Variants in LARGE1 observed in about 807,000 individuals in gnomAD.
LARGE1 encodes LARGE xylosyl- and glucuronyltransferase 1.
In LARGE1, 43 loss-of-function variants were observed where a neutral mutation model predicts 87.6. The ratio of observed to expected loss-of-function variants is 0.49; its 90% CI spans 0.38 to 0.63. The LOEUF (loss-of-function observed/expected upper bound fraction) is 0.63. Ranked by LOEUF, LARGE1 falls within the 30% of genes least tolerant of loss-of-function variation. LARGE1 has a pLI of 0.00. For synonymous variants in LARGE1, 434 were observed against 394.6 expected, an observed-to-expected ratio of 1.10 and a Z score of -1.18; for missense variants, 802 against 1,000.2, an observed-to-expected ratio of 0.80 and a Z score of 2.67.
At chr22:33,652,367 A>T (rs890497082) in intron 2 of LARGE1, among the ~76,000 whole-genome samples, 1 of 152,012 alleles carries the variant, frequency 6.6e-6, no homozygotes, top group Admixed American at 6.6e-5. Flanking sequence ...ATTAAAAAAA[A>T]ACAAACACTT....
At chr22:33,552,817 G>A (rs915842848) in intron 6 of LARGE1, among the ~76,000 whole-genome samples, 5 of 152,194 alleles carry the variant, frequency 3.3e-5, no homozygotes, top group Non-Finnish European at 7.3e-5. Flanking sequence ...GCAAAGTCCT[G>A]TATCATAGAA....
At position 33,888,772 on chromosome 22, in the gene LARGE1, G is replaced by A. The variant is rs187619714; in HGVS notation, c.-83+31223C>T. ...CTCGGGAGGCTGAGGCACAAGAATCGCTTGAACCCAGGAGGCAGAGGTTGC... is the reference window on the plus strand; with the variant it reads ...CTCGGGAGGCTGAGGCACAAGAATCACTTGAACCCAGGAGGCAGAGGTTGC... On this transcript the variant is annotated intron_variant, in intron 1 of 14. Transcript: ENST00000397394. 2.1e-3 allele frequency among the ~76,000 whole-genome samples: 319 copies of A among 152,100 alleles called. 3 individuals carry two copies. Among genetic ancestry groups the A allele is most frequent in the Admixed American group, 2.2e-3 (34 of 15,280 alleles).
At chr22:33,560,627 A>G (rs2077826671) in intron 6 of LARGE1, among the ~76,000 whole-genome samples, 2 of 152,076 alleles carry the variant, frequency 1.3e-5, no homozygotes, top group Non-Finnish European at 2.9e-5. Flanking sequence ...TGCAGTAAAA[A>G]CTAAGGCATG....
chr22:33,394,535 G>A (rs1045290689), intron 7 of LARGE1, among the ~76,000 whole-genome samples: 1 of 152,188 alleles, frequency 6.6e-6, no homozygotes, highest in Non-Finnish European at 1.5e-5. Context: ...TTGCAAAGTA[G>A]ATGGAATTAT....
intron 9 of LARGE1, among the ~76,000 whole-genome samples, chr22:33,375,984 T>C (rs1221156937): frequency 6.6e-6 from 1 of 152,240 alleles, no homozygotes; most frequent in Non-Finnish European, 1.5e-5. Flanking sequence ...TGATAAAAAC[T>C]AAATTTATTT....
intron 6 of LARGE1, among the ~76,000 whole-genome samples, chr22:33,462,714 G>C (rs2068430132): frequency 6.6e-6 from 1 of 152,224 alleles, no homozygotes; most frequent in Non-Finnish European, 1.5e-5. Flanking sequence ...CCAGGAGGCA[G>C]AGGCTTCAGT....
At chr22:33,899,565 C>A (rs2065231660) in intron 1 of LARGE1, among the ~76,000 whole-genome samples, 1 of 152,166 alleles carries the variant, frequency 6.6e-6, no homozygotes, top group Admixed American at 6.5e-5. Context: ...CACAATGAAC[C>A]AAGCCACACA....
At chr22:33,131,583 C>A in the LARGE1 span, among the ~76,000 whole-genome samples, 1 of 152,098 alleles carries the variant, frequency 6.6e-6, no homozygotes, top group East Asian at 1.9e-4. Context: ...AAAGACACCT[C>A]TTAAATGGTG....
chr22:33,191,381 C>A (rs1923772009), intron 11 of LARGE1, among the ~76,000 whole-genome samples: 1 of 152,156 alleles, frequency 6.6e-6, no homozygotes, highest in Admixed American at 6.5e-5. Flanking sequence ...TCTGGCTTTT[C>A]TGAATCAGAA....
At chr22:33,589,964 T>C (rs1295592172) in intron 5 of LARGE1, among the ~76,000 whole-genome samples, 1 of 152,212 alleles carries the variant, frequency 6.6e-6, no homozygotes, top group Non-Finnish European at 1.5e-5. Context: ...GTATCTATCA[T>C]TTGTGTAATT....
chr22:33,706,900 T>G (rs1291690860), intron 2 of LARGE1, among the ~76,000 whole-genome samples: 1 of 152,212 alleles, frequency 6.6e-6, no homozygotes, highest in Admixed American at 6.5e-5. Flanking sequence ...TGAGACTGAT[T>G]TTGGACTTCT....
intron 5 of LARGE1, among the ~76,000 whole-genome samples, chr22:33,602,583 G>A (rs962226889): frequency 6.6e-6 from 1 of 152,002 alleles, no homozygotes; most frequent in African/African-American, 2.4e-5. Context: ...TTCCCAGGCT[G>A]GTCTCGAACT....
intron 1 of LARGE1, among the ~76,000 whole-genome samples, chr22:33,851,076 A>G (rs13057617): frequency 0.18 from 27,877 of 152,156 alleles, 2,740 homozygotes; most frequent in Middle Eastern, 0.26. Context: ...AATTCTCTCC[A>G]CAATTAGAGC....
intron 5 of LARGE1, among the ~76,000 whole-genome samples, chr22:33,599,495 T>C (rs2079061720): frequency 6.6e-6 from 1 of 152,060 alleles, no homozygotes; most frequent in Admixed American, 6.5e-5. Flanking sequence ...ATGTAAACAT[T>C]GGGAAGACCA....
chr22:33,919,475 A>G (rs73154570), intron 1 of LARGE1, among the ~76,000 whole-genome samples: 9,183 of 152,308 alleles, frequency 0.06, 322 homozygotes, highest in Middle Eastern at 0.088. Context: ...CTTCCCCCCT[A>G]CAGATAGCAA....
intron 6 of LARGE1, among the ~76,000 whole-genome samples, chr22:33,492,636 A>G (rs1448325227): frequency 6.6e-6 from 1 of 152,120 alleles, no homozygotes; most frequent in East Asian, 1.9e-4. Context: ...TCACTTACAC[A>G]ATTCCTAAGA....
intron 7 of LARGE1, among the ~76,000 whole-genome samples, chr22:33,431,701 C>T (rs527778646): frequency 1.2e-4 from 18 of 152,300 alleles, no homozygotes; most frequent in African/African-American, 4.3e-4. Context: ...CCACCACATA[C>T]ATGGAAGTAT....
intron 3 of LARGE1, among the ~76,000 whole-genome samples, chr22:33,629,032 G>A (rs1285316465): frequency 6.6e-6 from 1 of 152,158 alleles, no homozygotes; most frequent in African/African-American, 2.4e-5. Flanking sequence ...GCAAAATGAA[G>A]CAATGTCAGA....
chr22:33,760,627 A>G (rs1431391147), intron 2 of LARGE1, among the ~76,000 whole-genome samples: 2 of 152,192 alleles, frequency 1.3e-5, no homozygotes, highest in South Asian at 2.1e-4. Flanking sequence ...GCATCCAATA[A>G]TAACAACAAC....
Sources: allele counts gnomAD v4.1 joint callset (sites outside exome capture counted in the v4.1 genomes callset), GRCh38; gene constraint gnomAD v4.1.1; transcripts MANE v1.5; gene names NCBI Gene and HGNC (gene_info 2026-07-23, HGNC 2026-07-21).